Variants in SYNE1 observed in about 807,000 individuals in gnomAD.
SYNE1 encodes the protein spectrin repeat containing nuclear envelope protein 1.
SYNE1 carries 616 observed loss-of-function variants against 1,111.0 expected under a neutral mutation model. The ratio of observed to expected loss-of-function variants is 0.55; its 90% CI spans 0.52 to 0.59. The LOEUF is 0.59. Ranked by LOEUF, SYNE1 falls within the 20% of genes least tolerant of loss-of-function variation. The pLI, the probability that SYNE1 is intolerant of heterozygous loss-of-function variation, is 0.00. For synonymous variants in SYNE1, 3,855 were observed against 3,825.8 expected (o/e 1.01, Z -0.28); for missense variants, 10,006 against 10,417.0 (o/e 0.96, Z 1.72).
In SYNE1 at chr6:152,536,412, A is replaced by T. The variant is rs372812330; in HGVS notation, c.129+3548T>A. Among the ~76,000 whole-genome samples, 324 of 79,714 alleles carry T rather than the reference A, an allele frequency of 4.1e-3. 1 individual carries two copies. The highest frequency in any genetic ancestry group is 0.013 in the Middle Eastern group (2 of 152). 52.3% of individuals were successfully genotyped at this position (79,714 alleles called of 152,430 possible). A position where few individuals can be genotyped will look rare whatever the true frequency, so the allele number is the denominator to read the frequency against. On this transcript the variant is annotated intron_variant, in intron 4 of 145. Coordinates refer to ENST00000367255, the MANE Select transcript of SYNE1 (RefSeq NM_182961.4). Reference sequence around the variant, plus strand: ...TATTTATATATATACTATATATAGTAATATATATATTTATATATATAACTA... The same window carrying T: ...TATTTATATATATACTATATATAGTTATATATATATTTATATATATAACTA...
intron 3 of SYNE1, among the ~76,000 whole-genome samples, chr6:152,550,911 G>T (rs2099343713): frequency 6.6e-6 from 1 of 152,142 alleles, no homozygotes; most frequent in Non-Finnish European, 1.5e-5. Context: ...ACACAGAAGT[G>T]CAGGGATGGA....
At position 152,459,998 on chromosome 6, in the gene SYNE1, T is replaced by C. The variant is rs2098721730; in HGVS notation, c.2395-1068A>G. 3.9e-5 allele frequency among the ~76,000 whole-genome samples: 6 copies of C among 152,224 alleles called. No individual in the cohort carries two copies. In the South Asian group the frequency reaches 1.2e-3, roughly 32 times the overall value. ...CAACAAGACTCTGATATAATTACCT[T>C]GAACAAAACCAAGAGAGTCTACTAA... On this transcript the variant is annotated intron_variant, in intron 21 of 145. Transcript: ENST00000367255.
At chr6:152,248,451 ATATT>A (rs1279265977) in intron 105 of SYNE1, among the ~76,000 whole-genome samples, 1 of 99,662 alleles carries the variant, frequency 1.0e-5, no homozygotes, top group Non-Finnish European at 1.9e-5. Flanking sequence ...CTTATGCTGC[ATATT>A]TATTTCCTTT....
chr6:152,209,797 A>C (rs1201978464), intron 124 of SYNE1, among the ~76,000 whole-genome samples: 1 of 152,080 alleles, frequency 6.6e-6, no homozygotes, highest in Non-Finnish European at 1.5e-5. Context: ...TTAGATTTTG[A>C]TGATGACTTC....
At chr6:152,231,054 A>C (rs1257599651) in intron 114 of SYNE1, among the ~76,000 whole-genome samples, 1 of 152,218 alleles carries the variant, frequency 6.6e-6, no homozygotes, top group Non-Finnish European at 1.5e-5. Flanking sequence ...CGGGCTGGGC[A>C]AGCTTGATTT....
intron 145 of SYNE1, 144 bp from the exon 146 acceptor site, chr6:152,122,820 G>T: frequency 8.0e-7 from 1 of 1,255,164 alleles, no homozygotes; most frequent in Non-Finnish European, 1.1e-6. Flanking sequence ...TCCACAGTGT[G>T]CCCAGGTCAC....
chr6:152,475,541 A>G (rs1272444222), intron 14 of SYNE1, among the ~76,000 whole-genome samples: 1 of 152,216 alleles, frequency 6.6e-6, no homozygotes, highest in Admixed American at 6.5e-5. Flanking sequence ...TTGAATCACT[A>G]TAAGTTGGAA....
intron 42 of SYNE1, 88 bp from the exon 43 acceptor site, chr6:152,409,797 G>A (rs1318076063): frequency 1.6e-5 from 22 of 1,393,050 alleles, no homozygotes; most frequent in Admixed American, 3.4e-5. Context: ...GTTTCACTAC[G>A]TAAAGGTATT....
rs2090042791 is a variant in SYNE1, at chr6:152,253,817, GGTTTTT to G, written c.19470+1057_19470+1062del. Among the ~76,000 whole-genome samples, 45 of 59,154 alleles carry G rather than the reference GGTTTTT, an allele frequency of 7.6e-4. 2 individuals are homozygous for G. The highest frequency in any genetic ancestry group is 2.2e-3 in the Admixed American group (9 of 4,008). 38.8% of individuals were successfully genotyped at this position (59,154 alleles called of 152,430 possible). Reference sequence around the variant, plus strand: ...ATGCTACATTTATGTGTAGTGGTTTGGTTTTTTTTTTTTTTTTTTTTTTTTTTTTTT... The same window carrying G: ...ATGCTACATTTATGTGTAGTGGTTTGTTTTTTTTTTTTTTTTTTTTTTTTT... On this transcript the variant is annotated intron_variant, in intron 104 of 145. Transcript: ENST00000367255.
In SYNE1 at chr6:152,149,691, G is replaced by A. The variant is rs186285470; in HGVS notation, c.24451-23C>T. On this transcript the variant is annotated intron_variant, in intron 135 of 145. Coordinates refer to ENST00000367255, the MANE Select transcript of SYNE1 (RefSeq NM_182961.4). ...GGCCTAGGGAGTACAAATCTCATGT[G>A]ATTTTGCTATTGTTGTTGCTTACAT... is the stretch of plus-strand genomic sequence containing the variant. 4 of 1,603,808 alleles carry A rather than the reference G, an allele frequency of 2.5e-6. No individual in the cohort carries two copies. The East Asian group carries it at 6.7e-5, about 27-fold the overall frequency.
intron 130 of SYNE1, among the ~76,000 whole-genome samples, chr6:152,170,675 G>A (rs372636755): frequency 1.3e-5 from 2 of 152,198 alleles, no homozygotes; most frequent in Admixed American, 6.5e-5. Flanking sequence ...GTCCTCCTGA[G>A]GGCAGCTGCT....
intron 110 of SYNE1, among the ~76,000 whole-genome samples, chr6:152,235,552 G>T (rs1005535962): frequency 6.6e-6 from 1 of 152,202 alleles, no homozygotes; most frequent in East Asian, 1.9e-4. Flanking sequence ...GTAGAAATGG[G>T]GTTTCTCCAT....
In SYNE1 at chr6:152,512,629, G is replaced by A. The variant is rs149009937; in HGVS notation, c.310-1526C>T. Among the ~76,000 whole-genome samples, 831 of 152,226 alleles carry A rather than the reference G, an allele frequency of 5.5e-3. 8 individuals are homozygous for A. The highest frequency in any genetic ancestry group is 0.018 in the African/African-American group (737 of 41,540). On this transcript the variant is annotated intron_variant, in intron 6 of 145. Transcript: ENST00000367255. ...AATTTGATTATCCTACCTCGACCCA[G>A]TTCCAATTGTACTTGAAATTGTACA...
At chr6:152,385,896 G>GT in intron 54 of SYNE1, 58 bp from the exon 55 acceptor site, 3 of 1,565,006 alleles carry the variant, frequency 1.9e-6, no homozygotes, top group Non-Finnish European at 2.6e-6. Flanking sequence ...ATGAACTCAG[G>GT]TAAGACAACA....
rs1012037940 is a variant in SYNE1, at chr6:152,387,703, T to C, written c.8178-322A>G. Among the ~76,000 whole-genome samples the C allele has an allele frequency of 3.5e-4, 53 of 152,230 alleles. 1 individual carries two copies. Among genetic ancestry groups the C allele is most frequent in the African/African-American group, 7.2e-5 (3 of 41,454 alleles). On this transcript the variant is annotated intron_variant, in intron 53 of 145. Transcript: ENST00000367255. ...TATGTTATGTTGTTTAAAATCAGCA[T>C]GGGAACATCAATGAAATTTTATTTC...
intron 73 of SYNE1, among the ~76,000 whole-genome samples, chr6:152,344,463 G>T (rs938311557): frequency 3.9e-5 from 6 of 152,124 alleles, no homozygotes; most frequent in Admixed American, 3.9e-4. Context: ...CCGGATTAGG[G>T]GAAGAGAACA....
rs545808786 is a variant in SYNE1, at chr6:152,413,287, C to A, written c.6230+65G>T. 16 of 1,525,400 alleles carry A rather than the reference C, an allele frequency of 1.0e-5. No individual in the cohort carries two copies. In the East Asian group the frequency reaches 3.6e-4, roughly 34 times the overall value. 94.5% of individuals were successfully genotyped at this position (1,525,400 alleles called of 1,614,324 possible). A position where few individuals can be genotyped will look rare whatever the true frequency, so the allele number is the denominator to read the frequency against. On this transcript the variant is annotated intron_variant, in intron 42 of 145. Coordinates refer to ENST00000367255, the MANE Select transcript of SYNE1 (RefSeq NM_182961.4). Reference sequence around the variant, plus strand: ...ACTGATCACATCAACACAAAACAGGCAATGTCCCAATGTCACATAATAAGT... The same window carrying A: ...ACTGATCACATCAACACAAAACAGGAAATGTCCCAATGTCACATAATAAGT...
intron 142 of SYNE1, chr6:152,134,860 A>C: frequency 2.0e-6 from 1 of 501,860 alleles, no homozygotes; most frequent in Non-Finnish European, 3.5e-6. Flanking sequence ...GAGAACACTA[A>C]GATTTTTACA....
chr6:152,386,688 C>T (rs542142218), intron 54 of SYNE1, among the ~76,000 whole-genome samples: 14 of 152,164 alleles, frequency 9.2e-5, no homozygotes, highest in Middle Eastern at 3.4e-3. Flanking sequence ...ATTTCGTACA[C>T]GACTGAATCT....
Sources: gnomAD v4.1 joint callset for allele counts (sites outside exome capture counted in the v4.1 genomes callset) on GRCh38, gnomAD v4.1.1 for gene constraint, MANE v1.5 for transcripts, NCBI Gene and HGNC (gene_info 2026-07-23, HGNC 2026-07-21) for gene names.